The following IQCM variants were observed in gnomAD, a reference collection of about 807,000 sequenced individuals.
IQCM encodes the protein IQ motif containing M.
IQCM carries 45 observed loss-of-function variants against 57.6 expected under a neutral mutation model. The observed-to-expected ratio is 0.78, with a 90% CI of 0.62 to 1.00. IQCM has a LOEUF of 1.00. IQCM is among the 50% of genes least tolerant of loss of function. IQCM has a pLI of 0.00. For missense variants in IQCM, 468 were observed against 511.6 expected (o/e 0.91, Z 0.82); for synonymous variants, 148 against 158.9 (o/e 0.93, Z 0.51).
chr4:149,633,620 T>C (rs190491870), intron 7 of IQCM, among the ~76,000 whole-genome samples: 3 of 152,348 alleles, frequency 2.0e-5, no homozygotes, highest in East Asian at 1.9e-4. Context: ...ATTACTTGCA[T>C]AGAAATTTTA....
intron 13 of IQCM, among the ~76,000 whole-genome samples, chr4:149,368,625 G>A (rs1730009326): frequency 6.6e-6 from 1 of 150,598 alleles, no homozygotes; most frequent in African/African-American, 2.4e-5. Flanking sequence ...ATCAATTTTA[G>A]GGCTTTGAAT....
intron 12 of IQCM, among the ~76,000 whole-genome samples, chr4:149,479,452 A>G (rs1435478796): frequency 6.6e-6 from 1 of 152,204 alleles, no homozygotes; most frequent in African/African-American, 2.4e-5. Context: ...TAACTGTTCT[A>G]GGGGCTTGGC....
intron 12 of IQCM, among the ~76,000 whole-genome samples, chr4:149,484,802 C>T (rs113382853): frequency 2.2e-4 from 33 of 152,010 alleles, no homozygotes; most frequent in African/African-American, 6.7e-4. Context: ...TACCTTCAGA[C>T]GATTTTTTCT....
At chr4:149,589,285 C>T (rs1022426148) in intron 8 of IQCM, among the ~76,000 whole-genome samples, 2 of 151,918 alleles carry the variant, frequency 1.3e-5, no homozygotes, top group Non-Finnish European at 2.9e-5. Flanking sequence ...AAGTCAGTAA[C>T]AAAAATTTAT....
At chr4:149,458,883 A>C (rs1276409746) in intron 12 of IQCM, among the ~76,000 whole-genome samples, 1 of 152,180 alleles carries the variant, frequency 6.6e-6, no homozygotes, top group African/African-American at 2.4e-5. Flanking sequence ...GCTTTACCAC[A>C]GATTAAATAG....
chr4:149,475,984 A>G (rs1740140406), intron 12 of IQCM, among the ~76,000 whole-genome samples: 1 of 152,174 alleles, frequency 6.6e-6, no homozygotes, highest in South Asian at 2.1e-4. Flanking sequence ...TTGCTGCAAA[A>G]GAAGTGGCAG....
chr4:149,416,085 A>T (rs1027673315), intron 13 of IQCM, among the ~76,000 whole-genome samples: 1 of 152,018 alleles, frequency 6.6e-6, no homozygotes, highest in East Asian at 1.9e-4. Flanking sequence ...TTAATTTAGA[A>T]TCCTAATCAG....
At chr4:149,488,100 T>C (rs1000831735) in intron 12 of IQCM, among the ~76,000 whole-genome samples, 57 of 152,280 alleles carry the variant, frequency 3.7e-4, no homozygotes, top group African/African-American at 1.3e-3. Context: ...AAACATATTT[T>C]ATCATGATAT....
chr4:149,765,445 C>A (rs1458922214), intron 2 of IQCM, among the ~76,000 whole-genome samples: 2 of 152,076 alleles, frequency 1.3e-5, no homozygotes, highest in Non-Finnish European at 2.9e-5. Context: ...ATAACTGACT[C>A]CATTTTGCTT....
intron 5 of IQCM, among the ~76,000 whole-genome samples, chr4:149,705,349 C>T (rs539470200): frequency 6.6e-6 from 1 of 150,610 alleles, no homozygotes; most frequent in South Asian, 2.1e-4. Flanking sequence ...GTAGGGCTGA[C>T]TATAGCATGA....
chr4:149,423,389 T>C (rs1734247324), intron 13 of IQCM, among the ~76,000 whole-genome samples: 1 of 151,928 alleles, frequency 6.6e-6, no homozygotes, highest in African/African-American at 2.4e-5. Flanking sequence ...CCTGGACAAG[T>C]AGGGATTACA....
intron 13 of IQCM, among the ~76,000 whole-genome samples, chr4:149,424,888 A>G (rs1208860905): frequency 6.6e-6 from 1 of 152,014 alleles, no homozygotes; most frequent in Non-Finnish European, 1.5e-5. Context: ...AAATTCTAAA[A>G]GAATATACTG....
At chr4:149,811,962 G>A (rs1410522146) in intron 2 of IQCM, among the ~76,000 whole-genome samples, 1 of 152,168 alleles carries the variant, frequency 6.6e-6, no homozygotes, top group Non-Finnish European at 1.5e-5. Flanking sequence ...TTCATTCAGG[G>A]AGATATGTTT....
chr4:149,407,730 C>G (rs989003435), intron 13 of IQCM, among the ~76,000 whole-genome samples: 2 of 152,186 alleles, frequency 1.3e-5, no homozygotes, highest in Non-Finnish European at 2.9e-5. Flanking sequence ...GGATGATGAA[C>G]AGTGATGAAC....
chr4:149,407,201 G>A (rs913880899), intron 13 of IQCM, among the ~76,000 whole-genome samples: 1 of 152,100 alleles, frequency 6.6e-6, no homozygotes, highest in African/African-American at 2.4e-5. Flanking sequence ...TGGGAATTAT[G>A]GAGGCTACAA....
chr4:149,636,032 A>C (rs887892211), intron 7 of IQCM, among the ~76,000 whole-genome samples: 1 of 152,230 alleles, frequency 6.6e-6, no homozygotes, highest in Non-Finnish European at 1.5e-5. Context: ...GTAGAGTTCT[A>C]TGTTTACTTT....
intron 13 of IQCM, chr4:149,429,885 G>C (rs1287606905): frequency 2.6e-6 from 2 of 766,752 alleles, no homozygotes; most frequent in Non-Finnish European, 3.5e-6. Context: ...TCAGCAAAAA[G>C]CTTGGAAGAC....
At chr4:149,576,331 G>A (rs1340691065) in intron 9 of IQCM, among the ~76,000 whole-genome samples, 1 of 151,698 alleles carries the variant, frequency 6.6e-6, no homozygotes, top group East Asian at 2.0e-4. Flanking sequence ...AGGCCCTTGT[G>A]TCTATTGTGC....
At chr4:149,435,051 G>A (rs1018574684) in intron 12 of IQCM, among the ~76,000 whole-genome samples, 1 of 152,080 alleles carries the variant, frequency 6.6e-6, no homozygotes, top group African/African-American at 2.4e-5. Context: ...GTAAACATTT[G>A]TTCTTTCCTC....
Sources: allele counts gnomAD v4.1 joint callset (sites outside exome capture counted in the v4.1 genomes callset), GRCh38; gene constraint gnomAD v4.1.1; transcripts MANE v1.5; gene names NCBI Gene and HGNC (gene_info 2026-07-23, HGNC 2026-07-21).